The following CWC27 variants were observed in gnomAD, a reference collection of about 807,000 sequenced individuals.
CWC27 encodes spliceosome-associated protein CWC27 homolog.
A neutral mutation model predicts 63.6 loss-of-function variants in CWC27; 47 were observed. The ratio of observed to expected loss-of-function variants is 0.74; its 90% CI spans 0.58 to 0.94. The LOEUF (loss-of-function observed/expected upper bound fraction) is 0.94. CWC27 is among the 40% of genes least tolerant of loss of function. The pLI is 0.00. For missense variants in CWC27, 495 were observed against 554.3 expected (o/e 0.89, Z 1.07); for synonymous variants, 175 against 179.8 (o/e 0.97, Z 0.22).
chr5:64,866,197 C>T (rs1003562246), intron 10 of CWC27, among the ~76,000 whole-genome samples: 1 of 152,040 alleles, frequency 6.6e-6, no homozygotes, highest in Non-Finnish European at 1.5e-5. Flanking sequence ...TGTACACATA[C>T]TTTGCTGATA....
rs142059887 is a variant in CWC27 at position 64,897,813 on chromosome 5, A to T, written c.1042+12267A>T. Reference sequence around the variant, plus strand: ...GTATTACTAGGCCTAGAATCTCCACATAACACAGAAACTTCAGTTTACCAG... The same window carrying T: ...GTATTACTAGGCCTAGAATCTCCACTTAACACAGAAACTTCAGTTTACCAG... On this transcript the variant is annotated intron_variant, in intron 11 of 13. Coordinates refer to ENST00000381070, the MANE Select transcript of CWC27 (RefSeq NM_005869.4). Among the ~76,000 whole-genome samples the T allele has an allele frequency of 3.8e-3, 583 of 152,318 alleles. 2 individuals are homozygous for T. The highest frequency in any genetic ancestry group is 0.013 in the African/African-American group (549 of 41,558).
intron 7 of CWC27, among the ~76,000 whole-genome samples, chr5:64,796,798 TCC>T (rs1744286208): frequency 1.2e-5 from 1 of 86,188 alleles, no homozygotes; most frequent in Non-Finnish European, 2.2e-5. Context: ...CCTTCCTTCT[TCC>T]CTCCCTCCCT....
At chr5:64,772,505 T>C (rs1225626472) in intron 1 of CWC27, among the ~76,000 whole-genome samples, 1 of 151,240 alleles carries the variant, frequency 6.6e-6, no homozygotes, top group African/African-American at 2.4e-5. Context: ...TGTGAGCCTG[T>C]AATCCCAGCT....
chr5:64,787,309 CAT>C (rs1366334027), intron 6 of CWC27, among the ~76,000 whole-genome samples: 1 of 152,108 alleles, frequency 6.6e-6, no homozygotes, highest in Non-Finnish European at 1.5e-5. Flanking sequence ...AAGCTACAAA[CAT>C]GTCATCTCAG....
intron 11 of CWC27, among the ~76,000 whole-genome samples, chr5:64,917,487 G>A (rs1747912862): frequency 6.6e-6 from 1 of 152,140 alleles, no homozygotes; most frequent in Admixed American, 6.5e-5. Flanking sequence ...GCTTCACTGG[G>A]CGATGGGGTG....
chr5:64,782,443 G>A lies in CWC27; in HGVS notation c.252+410G>A, dbSNP rs546612558. 5.0e-4 allele frequency among the ~76,000 whole-genome samples: 11 copies of A among 22,108 alleles called. No individual in the cohort carries two copies. The South Asian group carries it at 5.5e-3, about 11-fold the overall frequency. The allele number at this position is 22,108 out of a possible 152,430, so 14.5% of individuals were successfully genotyped here. ...AGCCTGGGCGACAGAGCGAGACTCC[G>A]TCTCAAATAAATAAATAAATAAATA... On this transcript the variant is annotated intron_variant, in intron 3 of 13. Transcript: ENST00000381070.
chr5:64,881,723 G>A lies in CWC27; in HGVS notation c.939-3720G>A, dbSNP rs867635760. On this transcript the variant is annotated intron_variant, in intron 10 of 13. Transcript: ENST00000381070. ...GAATCCAAAGTTAAGTCTTATAATA[G>A]CTATGTTCTACTCCCTCTACAATAG... Among the ~76,000 whole-genome samples, 27 of 152,120 alleles carry A rather than the reference G, an allele frequency of 1.8e-4. 1 individual carries two copies. In the South Asian group the frequency reaches 4.4e-3, roughly 25 times the overall value.
intron 10 of CWC27, among the ~76,000 whole-genome samples, chr5:64,829,384 TG>T (rs1427416255): frequency 6.6e-6 from 1 of 152,156 alleles, no homozygotes; most frequent in Non-Finnish European, 1.5e-5. Flanking sequence ...CTATAATTGA[TG>T]TTAATTTTTC....
chr5:64,798,199 T>C (rs1290161473), intron 7 of CWC27, among the ~76,000 whole-genome samples: 1 of 152,204 alleles, frequency 6.6e-6, no homozygotes, highest in Non-Finnish European at 1.5e-5. Context: ...AATTCTCTTA[T>C]GTGAAATAGG....
At chr5:64,869,209 A>T (rs1276071906) in intron 10 of CWC27, among the ~76,000 whole-genome samples, 1 of 152,106 alleles carries the variant, frequency 6.6e-6, no homozygotes, top group Non-Finnish European at 1.5e-5. Flanking sequence ...GTAGAGGTAT[A>T]TGTAGGCCAG....
At chr5:64,918,289 G>C (rs1747931024) in intron 11 of CWC27, among the ~76,000 whole-genome samples, 1 of 152,114 alleles carries the variant, frequency 6.6e-6, no homozygotes. Flanking sequence ...AGGCAGATTG[G>C]GAAGATGTGG....
At chr5:64,971,602 C>A in intron 11 of CWC27, 101 bp from the exon 12 acceptor site, 1 of 847,270 alleles carries the variant, frequency 1.2e-6, no homozygotes, top group South Asian at 2.5e-5. Flanking sequence ...AAAAGCAAGC[C>A]CAAGTGCCAA....
chr5:64,891,527 G>A (rs1747237211), intron 11 of CWC27, among the ~76,000 whole-genome samples: 1 of 152,010 alleles, frequency 6.6e-6, no homozygotes, highest in African/African-American at 2.4e-5. Context: ...TTAATCTTTT[G>A]GTAAAGTAAG....
In CWC27 at chr5:65,004,901, T is replaced by TATAC. The variant is rs1554030578; in HGVS notation, c.1257-13255_1257-13254insCATA. Among the ~76,000 whole-genome samples the TATAC allele has an allele frequency of 5.0e-3, 325 of 65,064 alleles. 1 individual carries two copies. The highest frequency in any genetic ancestry group is 8.2e-3 in the Non-Finnish European group (269 of 32,904). The allele number at this position is 65,064 out of a possible 152,430, so 42.7% of individuals were successfully genotyped here. On this transcript the variant is annotated intron_variant, in intron 13 of 13. Coordinates refer to ENST00000381070, the MANE Select transcript of CWC27 (RefSeq NM_005869.4). Reference sequence around the variant, plus strand: ...ATATATATATATATATATATATATATATATACATACACACACACACACACA... The same window carrying TATAC: ...ATATATATATATATATATATATATATATACATATACATACACACACACACACACA...
At chr5:64,795,041 A>G (rs1030378599) in intron 7 of CWC27, among the ~76,000 whole-genome samples, 4 of 152,148 alleles carry the variant, frequency 2.6e-5, no homozygotes, top group Non-Finnish European at 4.4e-5. Context: ...AGAGTTATAG[A>G]AGGGCTTTTT....
At chr5:64,820,272 T>A (rs1745158485) in intron 10 of CWC27, among the ~76,000 whole-genome samples, 1 of 152,234 alleles carries the variant, frequency 6.6e-6, no homozygotes, top group Non-Finnish European at 1.5e-5. Context: ...GCACACTTCA[T>A]CTGGGCTCTT....
intron 13 of CWC27, among the ~76,000 whole-genome samples, chr5:64,997,853 A>G (rs1749664750): frequency 6.6e-6 from 1 of 152,292 alleles, no homozygotes; most frequent in South Asian, 2.1e-4. Flanking sequence ...AAATATTTTT[A>G]TTCCATTCCT....
intron 7 of CWC27, among the ~76,000 whole-genome samples, chr5:64,795,485 G>A (rs889764351): frequency 1.1e-4 from 16 of 152,238 alleles, no homozygotes; most frequent in African/African-American, 3.9e-4. Flanking sequence ...CAAGGCATTT[G>A]CAGGGACTTC....
intron 11 of CWC27, among the ~76,000 whole-genome samples, chr5:64,911,583 C>T (rs1747786649): frequency 1.3e-5 from 2 of 152,174 alleles, no homozygotes; most frequent in African/African-American, 4.8e-5. Flanking sequence ...TGGGGCAACC[C>T]TTTCCCTGGG....
Sources: gnomAD v4.1 joint callset for allele counts (sites outside exome capture counted in the v4.1 genomes callset) on GRCh38, gnomAD v4.1.1 for gene constraint, MANE v1.5 for transcripts, NCBI Gene and HGNC (gene_info 2026-07-23, HGNC 2026-07-21) for gene names.